Variants in MMP26 observed in about 807,000 individuals in gnomAD.
The protein encoded by MMP26 is matrix metallopeptidase 26, also known as matrix metalloproteinase-26.
A neutral mutation model predicts 31.0 loss-of-function variants in MMP26; 33 were observed. That is an observed-to-expected ratio of 1.06 (90% CI 0.81 to 1.42). MMP26 has a LOEUF of 1.42. MMP26 is among the 40% of genes most tolerant of loss of function. MMP26 has a pLI of 0.00. For synonymous variants in MMP26, 122 were observed against 114.9 expected (o/e 1.06, Z -0.40); for missense variants, 347 against 316.1 (o/e 1.10, Z -0.74).
chr11:4,991,818 C>G, intron 6 of MMP26, 146 bp from the exon 7 acceptor site: 1 of 742,758 alleles, frequency 1.3e-6, no homozygotes, highest in Non-Finnish European at 2.1e-6. Context: ...ACTTTCTTTC[C>G]CTCCTTGCCT....
Position 4,939,438 on chromosome 11 carries a change from T to A in MMP26, c.-144-48630T>A, listed in dbSNP as rs569744280. On this transcript the variant is annotated intron_variant, in intron 2 of 7. Coordinates refer to ENST00000380390, the MANE Select transcript of MMP26 (RefSeq NM_021801.5). ...CAAAATGTATTAGCCCTTCTTAATATCTCAGAACACAGTTCCTCGGCTGTT... is the reference window on the plus strand; with the variant it reads ...CAAAATGTATTAGCCCTTCTTAATAACTCAGAACACAGTTCCTCGGCTGTT... Among the ~76,000 whole-genome samples, 10 of 152,272 alleles carry A rather than the reference T, an allele frequency of 6.6e-5. No homozygotes were observed. The East Asian group carries it at 1.7e-3, about 26-fold the overall frequency.
intron 2 of MMP26, among the ~76,000 whole-genome samples, chr11:4,912,121 GTAAC>G (rs1157647132): frequency 6.6e-6 from 1 of 152,080 alleles, no homozygotes; most frequent in African/African-American, 2.4e-5. Context: ...AGGAATTAAA[GTAAC>G]TAAAGTTTAT....
intron 2 of MMP26, among the ~76,000 whole-genome samples, chr11:4,798,082 G>T (rs1345065656): frequency 1.3e-5 from 2 of 152,190 alleles, no homozygotes; most frequent in African/African-American, 4.8e-5. Context: ...CTGGCATCTG[G>T]AGGACTTCCC....
intron 2 of MMP26, among the ~76,000 whole-genome samples, chr11:4,817,647 G>GA (rs554308370): frequency 8.6e-5 from 13 of 152,044 alleles, no homozygotes; most frequent in African/African-American, 1.2e-4. Context: ...GGGAAAAATG[G>GA]AAAAAATAAC....
At chr11:4,973,071 T>C (rs1846686865) in intron 2 of MMP26, 1 of 167,976 alleles carries the variant, frequency 6.0e-6, no homozygotes, top group Non-Finnish European at 1.3e-5. Context: ...ATCCTAGTGA[T>C]TGGGAAACTG....
At chr11:4,970,194 A>G (rs1002192890) in intron 2 of MMP26, among the ~76,000 whole-genome samples, 4 of 152,220 alleles carry the variant, frequency 2.6e-5, no homozygotes, top group Non-Finnish European at 5.9e-5. Flanking sequence ...TACAATTTAT[A>G]TTTCTGTCCA....
chr11:4,907,310 A>C lies in MMP26; in HGVS notation c.-144-80758A>C, dbSNP rs139207336. ...ACAAAACTGAGTTTTAACCAAAAGC[A>C]TGACTGCTTTTCATTTATATGGTTT... On this transcript the variant is annotated intron_variant, in intron 2 of 7. Transcript: ENST00000380390. 1,241 of 1,199,008 alleles carry C rather than the reference A, an allele frequency of 1.0e-3. 16 individuals carry two copies. In the African/African-American group the frequency reaches 0.016, roughly 15 times the overall value. The allele number at this position is 1,199,008 out of a possible 1,614,324, so 74.3% of individuals were successfully genotyped here. A position where few individuals can be genotyped will look rare whatever the true frequency, so the allele number is the denominator to read the frequency against.
At chr11:4,751,525 T>A (rs1479772368) in intron 1 of MMP26, among the ~76,000 whole-genome samples, 1 of 152,062 alleles carries the variant, frequency 6.6e-6, no homozygotes, top group African/African-American at 2.4e-5. Context: ...AAAAACTGCA[T>A]GCATTTGAAG....
At chr11:4,917,865 CAG>C (rs1257291919) in intron 2 of MMP26, among the ~76,000 whole-genome samples, 1 of 151,970 alleles carries the variant, frequency 6.6e-6, no homozygotes, top group Non-Finnish European at 1.5e-5. Flanking sequence ...GTAAAAAATT[CAG>C]AGAGCCTGAC....
intron 1 of MMP26, among the ~76,000 whole-genome samples, chr11:4,707,724 T>C (rs1362603831): frequency 3.9e-5 from 6 of 152,230 alleles, no homozygotes; most frequent in African/African-American, 7.2e-5. Context: ...GGGGGCCACA[T>C]ATCGGGAATC....
At chr11:4,894,969 A>C (rs539861253) in intron 2 of MMP26, among the ~76,000 whole-genome samples, 3 of 152,336 alleles carry the variant, frequency 2.0e-5, no homozygotes, top group Admixed American at 6.5e-5. Context: ...GTAAAATAGC[A>C]AAATTACTTT....
intron 2 of MMP26, among the ~76,000 whole-genome samples, chr11:4,930,273 T>A (rs915368240): frequency 6.6e-6 from 1 of 152,112 alleles, no homozygotes; most frequent in African/African-American, 2.4e-5. Context: ...GATGTGCTTC[T>A]CAGATCCCAC....
rs559162597 is a variant in MMP26 at position 4,772,402 on chromosome 11, A to G, written c.-145+5061A>G. On this transcript the variant is annotated intron_variant, in intron 2 of 7. Coordinates refer to ENST00000380390, the MANE Select transcript of MMP26 (RefSeq NM_021801.5). ...ATCATTATGGTCACAATAAAGAGGG[A>G]AAACTTTACACCCAGTCTCTAGGCT... is the stretch of plus-strand genomic sequence containing the variant. 2.8e-3 allele frequency among the ~76,000 whole-genome samples: 402 copies of G among 141,814 alleles called. 2 individuals carry two copies. Among genetic ancestry groups the G allele is most frequent in the Admixed American group, 7.2e-3 (101 of 14,016 alleles). 93.0% of individuals were successfully genotyped at this position (141,814 alleles called of 152,430 possible).
intron 2 of MMP26, among the ~76,000 whole-genome samples, chr11:4,888,327 T>A (rs899631369): frequency 6.6e-6 from 1 of 152,112 alleles, no homozygotes; most frequent in African/African-American, 2.4e-5. Flanking sequence ...TTGGCTATTT[T>A]CTTTTAAAAA....
intron 3 of MMP26, 24 bp downstream of exon 3, chr11:4,988,334 A>G: frequency 6.4e-7 from 1 of 1,574,026 alleles, no homozygotes. Flanking sequence ...TCAGGACCAC[A>G]TTATTACATG....
In MMP26 at chr11:4,989,654, T is replaced by C; in HGVS notation, c.106T>C (p.Phe36Leu). ...CCTTCTTGATCTGATTCAGGGCTATTTCCATCAATTTTTCCTGACCAAGAA... is the reference window on the plus strand; with the variant it reads ...CCTTCTTGATCTGATTCAGGGCTATCTCCATCAATTTTTCCTGACCAAGAA... ...HKGWDFVEGYFHQFFLTKKES... is the reference protein window; with the variant it reads ...HKGWDFVEGYLHQFFLTKKES... Residue 36 changes from phenylalanine to leucine, a missense_variant, in exon 4 of 8, where the codon TTC becomes CTC. Physicochemically the swap from Phe to Leu is conservative, Grantham distance 22 (BLOSUM62 0). Coordinates refer to ENST00000380390, the MANE Select transcript of MMP26 (RefSeq NM_021801.5). 2 of 1,611,428 alleles carry C rather than the reference T, an allele frequency of 1.2e-6. No homozygotes were observed. The highest frequency in any genetic ancestry group is 1.7e-6 in the Non-Finnish European group (2 of 1,179,536).
chr11:4,860,333 A>T (rs1272754724), intron 2 of MMP26: 1 of 471,234 alleles, frequency 2.1e-6, no homozygotes, highest in Admixed American at 2.3e-5. Context: ...GGCAAGGTGG[A>T]CATGGAGAGA....
chr11:4,825,083 G>T lies in MMP26; in HGVS notation c.-145+57742G>T, dbSNP rs146299291. ...TTTGGGTGCAATGAGAAATGATAGG[G>T]CAGTTCTTGTGGAGGAAAGGTATCA... is the stretch of plus-strand genomic sequence containing the variant. On this transcript the variant is annotated intron_variant, in intron 2 of 7. Coordinates refer to ENST00000380390, the MANE Select transcript of MMP26 (RefSeq NM_021801.5). 4.6e-3 allele frequency among the ~76,000 whole-genome samples: 696 copies of T among 152,230 alleles called. 7 individuals are homozygous for T. The highest frequency in any genetic ancestry group is 0.015 in the African/African-American group (624 of 41,560).
At chr11:4,744,453 A>T (rs927913358) in intron 1 of MMP26, among the ~76,000 whole-genome samples, 1 of 152,210 alleles carries the variant, frequency 6.6e-6, no homozygotes, top group Non-Finnish European at 1.5e-5. Context: ...ATGAGTCAAC[A>T]TAAATCGTCT....
Sources: gnomAD v4.1 joint callset for allele counts (sites outside exome capture counted in the v4.1 genomes callset) on GRCh38, gnomAD v4.1.1 for gene constraint, MANE v1.5 for transcripts, NCBI Gene and HGNC (gene_info 2026-07-23, HGNC 2026-07-21) for gene names.